MTFR1: variants seen among roughly 807,000 people sequenced by gnomAD.
MTFR1 encodes mitochondrial fission regulator 1.
In MTFR1, 28 loss-of-function variants were observed where a neutral mutation model predicts 38.8. The ratio of observed to expected loss-of-function variants is 0.72; its 90% CI spans 0.53 to 0.99. The LOEUF (loss-of-function observed/expected upper bound fraction) is 0.99. Ranked by LOEUF, MTFR1 falls within the 50% of genes least tolerant of loss-of-function variation. The pLI is 0.00. For missense variants in MTFR1, 358 were observed against 395.5 expected (o/e 0.91, Z 0.81); for synonymous variants, 145 against 137.0 (o/e 1.06, Z -0.41).
Position 65,678,894 on chromosome 8 carries a change from A to T in MTFR1, c.67-3459A>T, listed in dbSNP as rs7002634. 4.5e-3 allele frequency among the ~76,000 whole-genome samples: 674 copies of T among 148,736 alleles called. 4 individuals carry two copies. Among genetic ancestry groups the T allele is most frequent in the African/African-American group, 0.015 (594 of 40,698 alleles). ...AGCGAGACTCCATCTAAAAAAATTT[A>T]AAAAAAAAAGCTGAATCATTGGCCA... is the stretch of plus-strand genomic sequence containing the variant. On this transcript the variant is annotated intron_variant, in intron 2 of 7. Transcript: ENST00000262146.
At chr8:65,723,673 A>C (rs748931496) in intron 3 of MTFR1, 1 of 1,280,270 alleles carries the variant, frequency 7.8e-7, no homozygotes, top group African/African-American at 1.6e-5. Flanking sequence ...TATTGGTTAA[A>C]TATATAATTA....
intron 4 of MTFR1, among the ~76,000 whole-genome samples, chr8:65,702,635 TG>T (rs1194365043): frequency 1.3e-5 from 2 of 152,152 alleles, no homozygotes; most frequent in Non-Finnish European, 2.9e-5. Flanking sequence ...CAATAGAGTA[TG>T]TTTTTTTACC....
At chr8:65,754,963 A>G (rs905663227) in intron 3 of MTFR1, among the ~76,000 whole-genome samples, 1 of 151,388 alleles carries the variant, frequency 6.6e-6, no homozygotes, top group Non-Finnish European at 1.5e-5. Context: ...GACTCCCTCA[A>G]AAAAATAAAA....
intron 3 of MTFR1, among the ~76,000 whole-genome samples, chr8:65,768,210 A>C (rs773381106): frequency 8.5e-5 from 13 of 152,216 alleles, no homozygotes; most frequent in Non-Finnish European, 1.5e-4. Context: ...GAGCATCCAC[A>C]AATTTAAACA....
chr8:65,694,374 C>T (rs188018535), intron 4 of MTFR1, among the ~76,000 whole-genome samples: 1 of 152,160 alleles, frequency 6.6e-6, no homozygotes, highest in Admixed American at 6.5e-5. Flanking sequence ...CACGCCCAGC[C>T]TATTTTTTAC....
At chr8:65,678,851 C>CTCCA (rs1804794814) in intron 2 of MTFR1, among the ~76,000 whole-genome samples, 1 of 152,092 alleles carries the variant, frequency 6.6e-6, no homozygotes, top group Non-Finnish European at 1.5e-5. Context: ...CACCACTGCA[C>CTCCA]TCCAGCCTGG....
intron 3 of MTFR1, among the ~76,000 whole-genome samples, chr8:65,767,001 AAACAACAACAAC>A (rs149118435): frequency 2.6e-4 from 39 of 150,860 alleles, no homozygotes; most frequent in African/African-American, 5.1e-4. Flanking sequence ...TGCTCATTCA[AAACAACAACAAC>A]AACAACAACA....
chr8:65,665,707 C>G (rs1178424412), intron 1 of MTFR1, among the ~76,000 whole-genome samples: 1 of 152,172 alleles, frequency 6.6e-6, no homozygotes, highest in African/African-American at 2.4e-5. Context: ...TTTGTTGACT[C>G]TTAACTCCTG....
chr8:65,774,637 A>T (rs1306128299), downstream of MTFR1, among the ~76,000 whole-genome samples: 1 of 151,498 alleles, frequency 6.6e-6, no homozygotes, highest in African/African-American at 2.4e-5. Context: ...TTAATATTTA[A>T]ATATTTAGTT....
intron 1 of MTFR1, among the ~76,000 whole-genome samples, chr8:65,651,322 T>C (rs1390018353): frequency 6.6e-6 from 1 of 152,236 alleles, no homozygotes; most frequent in Middle Eastern, 3.2e-3. Flanking sequence ...TGTCCTTTTT[T>C]TGCTTTGATT....
chr8:65,687,347 CT>C (rs71247404), intron 3 of MTFR1, among the ~76,000 whole-genome samples: 87,975 of 115,254 alleles, frequency 0.76, 32,293 homozygotes, highest in African/African-American at 0.8. Flanking sequence ...TTAAAGAATA[CT>C]TTTTTTTTTT....
intron 1 of MTFR1, among the ~76,000 whole-genome samples, chr8:65,660,149 G>A (rs1809371049): frequency 6.6e-6 from 1 of 152,042 alleles, no homozygotes; most frequent in Non-Finnish European, 1.5e-5. Context: ...AAATTAGCCA[G>A]GCATGGTGGT....
intron 2 of MTFR1, among the ~76,000 whole-genome samples, chr8:65,680,877 C>T (rs1207698972): frequency 6.7e-6 from 1 of 148,996 alleles, no homozygotes; most frequent in Non-Finnish European, 1.5e-5. Context: ...GCAACCTCCG[C>T]TTCCTGGGTT....
intron 3 of MTFR1, among the ~76,000 whole-genome samples, chr8:65,758,816 G>A (rs1284752237): frequency 6.6e-6 from 1 of 152,142 alleles, no homozygotes; most frequent in Non-Finnish European, 1.5e-5. Flanking sequence ...TCTTCCACAA[G>A]TAAGCAAAGC....
intron 3 of MTFR1, among the ~76,000 whole-genome samples, chr8:65,757,039 TCAGC>T (rs1215165532): frequency 6.6e-6 from 1 of 152,170 alleles, no homozygotes; most frequent in Non-Finnish European, 1.5e-5. Flanking sequence ...CTGCAGGTGT[TCAGC>T]TATGTGGAGG....
chr8:65,746,601 A>G (rs1361309127), intron 3 of MTFR1, among the ~76,000 whole-genome samples: 1 of 152,178 alleles, frequency 6.6e-6, no homozygotes, highest in African/African-American at 2.4e-5. Context: ...TTTTCTAGAA[A>G]AAAACTTATA....
intron 4 of MTFR1, among the ~76,000 whole-genome samples, chr8:65,695,560 T>C (rs1805417480): frequency 6.6e-6 from 1 of 152,170 alleles, no homozygotes; most frequent in African/African-American, 2.4e-5. Context: ...TTTCACCACG[T>C]TGGCCAGGCT....
chr8:65,713,479 CACACAA>C (rs1189693197), downstream of MTFR1, among the ~76,000 whole-genome samples: 41 of 143,204 alleles, frequency 2.9e-4, no homozygotes, highest in African/African-American at 8.1e-4. Flanking sequence ...CACACACACA[CACACAA>C]ACAAAACAAA....
At chr8:65,703,963 G>A (rs557614875) in intron 4 of MTFR1, among the ~76,000 whole-genome samples, 4 of 152,004 alleles carry the variant, frequency 2.6e-5, no homozygotes, top group South Asian at 2.1e-4. Context: ...CTTGTAATTC[G>A]AGTACTTTGG....
Sources: allele counts gnomAD v4.1 joint callset (sites outside exome capture counted in the v4.1 genomes callset), GRCh38; gene constraint gnomAD v4.1.1; transcripts MANE v1.5; gene names NCBI Gene and HGNC (gene_info 2026-07-23, HGNC 2026-07-21).